The following CCNYL1 variants were observed in gnomAD, a reference collection of about 807,000 sequenced individuals.
CCNYL1 encodes cyclin-Y-like protein 1.
Under a neutral mutation model 44.2 loss-of-function variants are expected in CCNYL1, and 16 were observed. The ratio of observed to expected loss-of-function variants is 0.36; its 90% CI spans 0.25 to 0.55. CCNYL1 has a LOEUF of 0.55. Among genes scored for constraint, CCNYL1 ranks in the 20% least tolerant of loss-of-function variants. The pLI is 0.85. For missense variants in CCNYL1, 348 were observed against 451.8 expected, an observed-to-expected ratio of 0.77 and a Z score of 2.08; for synonymous variants, 159 against 163.2, an observed-to-expected ratio of 0.97 and a Z score of 0.20.
chr2:207,712,161 C>A (rs760918911), intron 1 of CCNYL1, 45 bp downstream of exon 1: 3 of 1,527,176 alleles, frequency 2.0e-6, no homozygotes, highest in Non-Finnish European at 2.7e-6. Context: ...TCACCTCTGC[C>A]CGCCTCCTCC....
chr2:207,746,395 T>G (rs960499799), intron 7 of CCNYL1, among the ~76,000 whole-genome samples: 2 of 152,242 alleles, frequency 1.3e-5, no homozygotes, highest in Non-Finnish European at 2.9e-5. Context: ...CATGCAAGTA[T>G]GATACATTGT....
Position 207,753,961 on chromosome 2 carries a change from C to T in CCNYL1, c.*263C>T, listed in dbSNP as rs1471761805. ...AAAGTGAAGGCTCCCATCCTACACA[C>T]AGATATTTGCTTACTGTGTGGGCCG... On this transcript the variant is annotated 3_prime_UTR_variant, in exon 10 of 10. Transcript: ENST00000295414. 1 of 337,546 alleles carries T rather than the reference C, an allele frequency of 3.0e-6. No homozygotes were observed. The highest frequency in any genetic ancestry group is 4.7e-5 in the Admixed American group (1 of 21,438). 20.9% of individuals were successfully genotyped at this position (337,546 alleles called of 1,614,324 possible).
Position 207,753,829 on chromosome 2 carries a change from T to C in CCNYL1, c.*131T>C, listed in dbSNP as rs1340257170. 1.5e-5 allele frequency: 9 copies of C among 607,700 alleles called. No individual in the cohort carries two copies. The highest frequency in any genetic ancestry group is 2.3e-5 in the Non-Finnish European group (8 of 342,248). 37.6% of individuals were successfully genotyped at this position (607,700 alleles called of 1,614,324 possible). A position where few individuals can be genotyped will look rare whatever the true frequency, so the allele number is the denominator to read the frequency against. ...AGGAAAGATCTCAAATTCAAGAGAC[T>C]CATGGACAACAAGGATTATACTCCA... On this transcript the variant is annotated 3_prime_UTR_variant, in exon 10 of 10. Coordinates refer to ENST00000295414, the MANE Select transcript of CCNYL1 (RefSeq NM_001330218.2).
intron 1 of CCNYL1, among the ~76,000 whole-genome samples, chr2:207,716,128 G>A (rs1179933609): frequency 3.9e-5 from 6 of 152,106 alleles, no homozygotes; most frequent in Non-Finnish European, 5.9e-5. Context: ...CTTATTGTCC[G>A]ATTTTATTAG....
intron 8 of CCNYL1, among the ~76,000 whole-genome samples, chr2:207,749,812 C>G (rs1220113719): frequency 2.6e-5 from 4 of 152,196 alleles, no homozygotes; most frequent in African/African-American, 9.7e-5. Context: ...AACCACATCT[C>G]TGCTCATATT....
intron 3 of CCNYL1, among the ~76,000 whole-genome samples, chr2:207,728,760 A>C (rs887390769): frequency 1.3e-4 from 20 of 151,962 alleles, no homozygotes; most frequent in Non-Finnish European, 2.4e-4. Context: ...TATCCCTGAG[A>C]TCCTGAAATT....
At chr2:207,741,030 C>T (rs1413278462) in intron 6 of CCNYL1, among the ~76,000 whole-genome samples, 4 of 151,138 alleles carry the variant, frequency 2.6e-5, no homozygotes, top group African/African-American at 4.9e-5. Context: ...CCGAGGCAGG[C>T]GGATCACGAG....
At chr2:207,737,709 A>T (rs532426035) in intron 5 of CCNYL1, among the ~76,000 whole-genome samples, 1 of 151,940 alleles carries the variant, frequency 6.6e-6, no homozygotes, top group African/African-American at 2.4e-5. Flanking sequence ...AAAAAACCCT[A>T]TATTTAGTTT....
chr2:207,753,809 A>G lies in CCNYL1; in HGVS notation c.*111A>G. ...AAATTAGTGTTTTCATCAAAAGGAAAGATCTCAAATTCAAGAGACTCATGG... is the reference window on the plus strand; with the variant it reads ...AAATTAGTGTTTTCATCAAAAGGAAGGATCTCAAATTCAAGAGACTCATGG... On this transcript the variant is annotated 3_prime_UTR_variant, in exon 10 of 10. Coordinates refer to ENST00000295414, the MANE Select transcript of CCNYL1 (RefSeq NM_001330218.2). The G allele has an allele frequency of 1.5e-6, 1 of 658,390 alleles. No individual in the cohort carries two copies. The highest frequency in any genetic ancestry group is 2.7e-5 in the East Asian group (1 of 37,300). 40.8% of individuals were successfully genotyped at this position (658,390 alleles called of 1,614,324 possible). A position where few individuals can be genotyped will look rare whatever the true frequency, so the allele number is the denominator to read the frequency against.
rs1318237405 is a variant in CCNYL1, at chr2:207,734,005, A to T, written c.389A>T (p.Asp130Val). Reference protein sequence around the residue: ...YSSCSTIFLDDSTVSQPNLRT... With the variant: ...YSSCSTIFLDVSTVSQPNLRT... ...TCATGCTCAACAATATTTCTAGATGACAGCACAGTCAGCCAGCCTAATCTT... is the reference window on the plus strand; with the variant it reads ...TCATGCTCAACAATATTTCTAGATGTCAGCACAGTCAGCCAGCCTAATCTT... The change falls in exon 4 of 10, where the codon GAC (aspartate) becomes GTC (valine). Residue 130 changes from aspartate to valine, a missense_variant. Transcript: ENST00000295414. The T allele has an allele frequency of 1.9e-6, 3 of 1,613,742 alleles. No individual in the cohort carries two copies. The highest frequency in any genetic ancestry group is 2.5e-6 in the Non-Finnish European group (3 of 1,179,794).
chr2:207,727,479 A>T (rs2091689579), intron 3 of CCNYL1, among the ~76,000 whole-genome samples: 1 of 152,170 alleles, frequency 6.6e-6, no homozygotes, highest in Non-Finnish European at 1.5e-5. Flanking sequence ...TAGCTCACAC[A>T]GCCAAATGCA....
At position 207,743,720 on chromosome 2, in the gene CCNYL1, G is replaced by T. The variant is rs146326605; in HGVS notation, c.639+1378G>T. 5.1e-3 allele frequency among the ~76,000 whole-genome samples: 778 copies of T among 152,286 alleles called. 10 individuals carry two copies. Among genetic ancestry groups the T allele is most frequent in the African/African-American group, 0.018 (743 of 41,562 alleles). ...AAAGAACAGAGATCAAGATAAGAGA[G>T]GCTATGGTCCCAGTGTTAAATGCTG... On this transcript the variant is annotated intron_variant, in intron 7 of 9. Coordinates refer to ENST00000295414, the MANE Select transcript of CCNYL1 (RefSeq NM_001330218.2).
At chr2:207,736,725 G>A (rs760520924) in intron 4 of CCNYL1, among the ~76,000 whole-genome samples, 1 of 152,076 alleles carries the variant, frequency 6.6e-6, no homozygotes, top group Non-Finnish European at 1.5e-5. Flanking sequence ...GAAATGCAGA[G>A]CCTAACAGCT....
At chr2:207,747,313 C>T (rs2091861240) in intron 8 of CCNYL1, 100 bp downstream of exon 8, 1 of 1,021,268 alleles carries the variant, frequency 9.8e-7, no homozygotes, top group African/African-American at 1.6e-5. Flanking sequence ...TTACATTATG[C>T]AGATAATGGA....
intron 9 of CCNYL1, among the ~76,000 whole-genome samples, chr2:207,753,108 A>C (rs752355696): frequency 6.6e-6 from 1 of 152,150 alleles, no homozygotes; most frequent in Non-Finnish European, 1.5e-5. Context: ...TTGGCGCGTC[A>C]GTCATCAGAC....
intron 8 of CCNYL1, among the ~76,000 whole-genome samples, chr2:207,750,329 T>TGCATTATGCCCTTTGACATA (rs2091882470): frequency 6.6e-6 from 1 of 152,214 alleles, no homozygotes; most frequent in Admixed American, 6.5e-5. Flanking sequence ...AGCAGAAACT[T>TGCATTATGCCCTTTGACATA]GCATTATGCC....
Position 207,711,774 on chromosome 2 carries a change from A to G in CCNYL1, c.-123A>G. On this transcript the variant is annotated 5_prime_UTR_variant, in exon 1 of 10. Transcript: ENST00000295414. Reference sequence around the variant, plus strand: ...GAGGCGGCGTCTGCTTGCGCGGTGCAGCCCCAGCGTAGCCCGGGGCTGCCG... The same window carrying G: ...GAGGCGGCGTCTGCTTGCGCGGTGCGGCCCCAGCGTAGCCCGGGGCTGCCG... The G allele has an allele frequency of 1.8e-6, 1 of 558,394 alleles. No homozygotes were observed. Among genetic ancestry groups the G allele is most frequent in the Non-Finnish European group, 2.7e-6 (1 of 365,222 alleles). 34.6% of individuals were successfully genotyped at this position (558,394 alleles called of 1,614,324 possible).
intron 5 of CCNYL1, among the ~76,000 whole-genome samples, chr2:207,738,348 G>A (rs1452953884): frequency 6.6e-6 from 1 of 152,134 alleles, no homozygotes; most frequent in Non-Finnish European, 1.5e-5. Flanking sequence ...GGGCTCCCGA[G>A]TAGGTGGGGT....
In CCNYL1 at chr2:207,754,398, G is replaced by A. The variant is rs1266795977; in HGVS notation, c.*700G>A. On this transcript the variant is annotated 3_prime_UTR_variant, in exon 10 of 10. Coordinates refer to ENST00000295414, the MANE Select transcript of CCNYL1 (RefSeq NM_001330218.2). ...TATTGGAGTCCATGTTGCATTTCTT[G>A]TGAACTATAAATGGTGCTTCTCATT... The A allele has an allele frequency of 2.6e-5, 4 of 152,586 alleles. No individual in the cohort carries two copies. Among genetic ancestry groups the A allele is most frequent in the African/African-American group, 9.7e-5 (4 of 41,420 alleles). 9.5% of individuals were successfully genotyped at this position (152,586 alleles called of 1,614,324 possible). A position where few individuals can be genotyped will look rare whatever the true frequency, so the allele number is the denominator to read the frequency against.
Sources: gnomAD v4.1 joint callset for allele counts (sites outside exome capture counted in the v4.1 genomes callset) on GRCh38, gnomAD v4.1.1 for gene constraint, MANE v1.5 for transcripts, NCBI Gene and HGNC (gene_info 2026-07-23, HGNC 2026-07-21) for gene names.